Variants in C8orf34 observed in about 807,000 individuals in gnomAD.
C8orf34 encodes the protein uncharacterized protein C8orf34.
A neutral mutation model predicts 68.3 loss-of-function variants in C8orf34; 65 were observed. The ratio of observed to expected loss-of-function variants is 0.95; its 90% CI spans 0.78 to 1.17. The LOEUF is 1.17. Among genes scored for constraint, C8orf34 ranks in the 50% most tolerant of loss-of-function variants. The probability of loss-of-function intolerance (pLI) is 0.00; values close to 1 mark genes in which losing one functional copy is unlikely to be tolerated. For missense variants in C8orf34, 664 were observed against 655.4 expected (o/e 1.01, Z -0.14); for synonymous variants, 244 against 241.2 (o/e 1.01, Z -0.11).
chr8:68,731,297 T>A (rs1171691596), intron 10 of C8orf34, among the ~76,000 whole-genome samples: 3 of 152,332 alleles, frequency 2.0e-5, no homozygotes, highest in Middle Eastern at 6.8e-3. Flanking sequence ...CTAATCAAGA[T>A]CATATTTCTG....
intron 2 of C8orf34, among the ~76,000 whole-genome samples, chr8:68,442,513 A>C (rs1471564993): frequency 6.6e-6 from 1 of 152,082 alleles, no homozygotes; most frequent in Non-Finnish European, 1.5e-5. Context: ...TTTGTGAGCA[A>C]ACTGCAGGTG....
intron 9 of C8orf34, among the ~76,000 whole-genome samples, chr8:68,709,837 A>C (rs1239841546): frequency 1.3e-5 from 2 of 152,228 alleles, no homozygotes; most frequent in Non-Finnish European, 2.9e-5. Context: ...TGTATATGTA[A>C]ATAAGTACAG....
chr8:68,457,170 G>C (rs906219532), intron 3 of C8orf34, among the ~76,000 whole-genome samples: 1 of 152,002 alleles, frequency 6.6e-6, no homozygotes, highest in Non-Finnish European at 1.5e-5. Context: ...GATGCATTTA[G>C]CACAGAATAT....
intron 7 of C8orf34, chr8:68,625,656 G>A: frequency 1.4e-6 from 1 of 701,194 alleles, no homozygotes; most frequent in Non-Finnish European, 2.6e-6. Flanking sequence ...GGTGGGAAAG[G>A]TATGTCATGT....
intron 1 of C8orf34, among the ~76,000 whole-genome samples, chr8:68,412,727 C>T (rs752135661): frequency 1.3e-5 from 2 of 152,180 alleles, no homozygotes; most frequent in Non-Finnish European, 1.5e-5. Context: ...CAATAACTCT[C>T]TCCATTTTCT....
intron 10 of C8orf34, among the ~76,000 whole-genome samples, chr8:68,765,273 G>T (rs768793319): frequency 6.6e-6 from 1 of 152,230 alleles, no homozygotes; most frequent in South Asian, 2.1e-4. Flanking sequence ...CCCAATGTGC[G>T]TAAGCATAAG....
intron 4 of C8orf34, among the ~76,000 whole-genome samples, chr8:68,477,683 G>C (rs937721548): frequency 6.6e-6 from 1 of 152,218 alleles, no homozygotes; most frequent in African/African-American, 2.4e-5. Flanking sequence ...GGCTCTCCAT[G>C]AGGGCTCCAC....
At chr8:68,740,236 A>T (rs565819392) in intron 10 of C8orf34, among the ~76,000 whole-genome samples, 26 of 152,314 alleles carry the variant, frequency 1.7e-4, no homozygotes, top group African/African-American at 6.0e-4. Flanking sequence ...ATTGCAACAA[A>T]AGCAAAAATT....
chr8:68,787,481 A>G lies in C8orf34; in HGVS notation c.1494A>G (p.Pro498=), dbSNP rs774310871. The change falls in exon 12 of 14, where the codon CCA becomes CCG. Residue 498 remains proline (P), a synonymous_variant. Coordinates refer to ENST00000518698, the MANE Select transcript of C8orf34 (RefSeq NM_052958.4). ...AGCAATTGCAGGTAGTTCATCAACCATGGATCTTGCCAAGTGACACAGAAA... is the reference window on the plus strand; with the variant it reads ...AGCAATTGCAGGTAGTTCATCAACCGTGGATCTTGCCAAGTGACACAGAAA... ...SLKQLQVVHQ[P]WILPSDTESE... 7.4e-6 allele frequency: 12 copies of G among 1,612,886 alleles called. No homozygotes were observed. The highest frequency in any genetic ancestry group is 2.7e-5 in the African/African-American group (2 of 74,912).
At chr8:68,810,353 G>A (rs1210062511) in intron 12 of C8orf34, among the ~76,000 whole-genome samples, 5 of 152,218 alleles carry the variant, frequency 3.3e-5, no homozygotes, top group Admixed American at 6.5e-5. Context: ...CATACTGCAA[G>A]CAGCTTCTGC....
At chr8:68,578,193 T>TA (rs1186445076) in intron 7 of C8orf34, among the ~76,000 whole-genome samples, 1 of 151,996 alleles carries the variant, frequency 6.6e-6, no homozygotes, top group Non-Finnish European at 1.5e-5. Context: ...AAAATGATTT[T>TA]AAAATATTAG....
At chr8:68,379,691 C>A (rs1033214877) in intron 1 of C8orf34, among the ~76,000 whole-genome samples, 1 of 152,098 alleles carries the variant, frequency 6.6e-6, no homozygotes, top group Admixed American at 6.5e-5. Context: ...AACAAGCAAA[C>A]GTGTACAAAA....
chr8:68,417,369 G>C (rs1413836553), intron 1 of C8orf34, among the ~76,000 whole-genome samples: 1 of 151,966 alleles, frequency 6.6e-6, no homozygotes, highest in Non-Finnish European at 1.5e-5. Context: ...TAGCAAATTA[G>C]TGCCTACTGA....
At chr8:68,720,596 ATT>A (rs60251458) in intron 9 of C8orf34, among the ~76,000 whole-genome samples, 9 of 148,476 alleles carry the variant, frequency 6.1e-5, no homozygotes, top group African/African-American at 2.2e-4. Flanking sequence ...CTCTTAACTG[ATT>A]TTTTTTTTTA....
chr8:68,543,905 G>A (rs1489604547), intron 7 of C8orf34, among the ~76,000 whole-genome samples: 1 of 151,738 alleles, frequency 6.6e-6, no homozygotes, highest in Non-Finnish European at 1.5e-5. Context: ...CAGCACAGGT[G>A]TTTGGTTCTT....
At chr8:68,477,801 C>T (rs1812685948) in intron 4 of C8orf34, among the ~76,000 whole-genome samples, 1 of 152,224 alleles carries the variant, frequency 6.6e-6, no homozygotes, top group Admixed American at 6.5e-5. Flanking sequence ...CCCACAGGCC[C>T]AACACCACAT....
At chr8:68,480,330 C>T (rs1812805980) in intron 4 of C8orf34, among the ~76,000 whole-genome samples, 4 of 152,222 alleles carry the variant, frequency 2.6e-5, no homozygotes, top group Non-Finnish European at 5.9e-5. Context: ...GGTTCTGAGG[C>T]CTCTCCAGCC....
rs16934507 is a variant in C8orf34, at chr8:68,372,045, G to C, written c.327+40706G>C. 8.1e-3 allele frequency among the ~76,000 whole-genome samples: 1,231 copies of C among 152,294 alleles called. 39 individuals carry two copies. The East Asian group carries it at 0.1, about 13-fold the overall frequency. ...ATTTTTAATGAAGAAGCCTCTGCAT[G>C]TCACATAATTGTTAGTATTATAATT... On this transcript the variant is annotated intron_variant, in intron 1 of 13. Transcript: ENST00000518698.
chr8:68,425,273 T>C (rs1475932344), intron 1 of C8orf34, among the ~76,000 whole-genome samples: 2 of 152,004 alleles, frequency 1.3e-5, no homozygotes, highest in Non-Finnish European at 2.9e-5. Flanking sequence ...TTTCTGGGAG[T>C]TCTTGCCATT....
Sources: allele counts gnomAD v4.1 joint callset (sites outside exome capture counted in the v4.1 genomes callset), GRCh38; gene constraint gnomAD v4.1.1; transcripts MANE v1.5; gene names NCBI Gene and HGNC (gene_info 2026-07-23, HGNC 2026-07-21).